The following FAT3 variants were observed in gnomAD, a reference collection of about 807,000 sequenced individuals.
The protein encoded by FAT3 is FAT atypical cadherin 3.
A neutral mutation model predicts 310.2 loss-of-function variants in FAT3; 95 were observed. That is an observed-to-expected ratio of 0.31 (90% confidence interval 0.26 to 0.36). FAT3 has a LOEUF of 0.36. Ranked by LOEUF, FAT3 falls within the 10% of genes least tolerant of loss-of-function variation. The pLI is 1.00. For missense variants in FAT3, 5,408 were observed against 5,715.6 expected, an observed-to-expected ratio of 0.95 and a Z score of 1.74; for synonymous variants, 2,314 against 2,192.9, an observed-to-expected ratio of 1.06 and a Z score of -1.54.
intron 1 of FAT3, among the ~76,000 whole-genome samples, chr11:92,341,813 G>A (rs921972306): frequency 2.0e-5 from 3 of 152,058 alleles, no homozygotes; most frequent in African/African-American, 4.8e-5. Context: ...CAGCCATTTC[G>A]TGATATATTG....
At chr11:92,745,472 G>C (rs1945632827) in intron 4 of FAT3, among the ~76,000 whole-genome samples, 1 of 151,880 alleles carries the variant, frequency 6.6e-6, no homozygotes, top group East Asian at 1.9e-4. Flanking sequence ...CCTGCTGATA[G>C]GGAAGATTAG....
Position 92,883,518 on chromosome 11 carries a change from A to G in FAT3, c.12937+125A>G. 1 of 1,255,322 alleles carries G rather than the reference A, an allele frequency of 8.0e-7. No individual in the cohort carries two copies. The highest frequency in any genetic ancestry group is 1.1e-6 in the Non-Finnish European group (1 of 922,706). 77.8% of individuals were successfully genotyped at this position (1,255,322 alleles called of 1,614,324 possible). A position where few individuals can be genotyped will look rare whatever the true frequency, so the allele number is the denominator to read the frequency against. On this transcript the variant is annotated intron_variant, in intron 24 of 27. Coordinates refer to ENST00000525166, the MANE Select transcript of FAT3 (RefSeq NM_001367949.2). This position sits in a 1 kb window ranked among gnomAD's most constrained non-coding sequence, Gnocchi z 4.2. ...AGAGCATTCGCTATGACATGTGCTG[A>G]TGTCGAATGTGCACACCAGCTCTGG...
intron 2 of FAT3, among the ~76,000 whole-genome samples, chr11:92,433,293 C>A (rs1386653284): frequency 2.6e-5 from 4 of 152,166 alleles, no homozygotes; most frequent in African/African-American, 9.7e-5. Context: ...AAAAAAAACT[C>A]CTGCTGCTAA....
chr11:92,395,194 T>A (rs537468885), intron 2 of FAT3, among the ~76,000 whole-genome samples: 44 of 152,372 alleles, frequency 2.9e-4, no homozygotes, highest in Non-Finnish European at 5.9e-4. Context: ...TACCAATTTC[T>A]CACTTTGTCT....
intron 15 of FAT3, among the ~76,000 whole-genome samples, chr11:92,836,175 C>T (rs1223163435): frequency 6.6e-6 from 1 of 152,126 alleles, no homozygotes; most frequent in Non-Finnish European, 1.5e-5. Context: ...GCTTCCTTAA[C>T]ATGGAAATGC....
At chr11:92,772,202 G>T (rs1946477099) in intron 6 of FAT3, among the ~76,000 whole-genome samples, 1 of 152,102 alleles carries the variant, frequency 6.6e-6, no homozygotes, top group Non-Finnish European at 1.5e-5. Context: ...TTCTAAATGT[G>T]ATTTAAAATG....
At chr11:92,581,313 A>G (rs3847521) in intron 3 of FAT3, among the ~76,000 whole-genome samples, 1 of 151,968 alleles carries the variant, frequency 6.6e-6, no homozygotes, top group African/African-American at 2.4e-5. Flanking sequence ...CTTCTCTGCC[A>G]TGTCCTGTCC....
chr11:92,450,239 G>A (rs1951321349), intron 2 of FAT3, among the ~76,000 whole-genome samples: 1 of 152,162 alleles, frequency 6.6e-6, no homozygotes, highest in East Asian at 1.9e-4. Context: ...TTAACATGAT[G>A]TTTAATATTT....
intron 1 of FAT3, among the ~76,000 whole-genome samples, chr11:92,315,504 T>TAGAGAGAG (rs1947425487): frequency 3.3e-5 from 3 of 90,976 alleles, no homozygotes; most frequent in South Asian, 4.2e-4. Context: ...TATATATATA[T>TAGAGAGAG]ATATATATAG....
At position 92,887,000 on chromosome 11, in the gene FAT3, A is replaced by T. The variant is rs775162557; in HGVS notation, c.12938A>T (p.Asn4313Ile). ...RKNGWDAGTE[N>I]KGVDDPGEVT... The stretch of plus-strand genomic sequence containing the variant: ...GCTTTCTCTTTCACTGTCCATGAAG[A>T]CAAAGGGGTTGATGACCCGGGAGAA... Residue 4313 changes from asparagine to isoleucine, a missense_variant and splice_region_variant, in exon 25 of 28, where the codon AAC becomes ATC. This residue lies in a region of FAT3 where 649 missense variants were observed against 666.2 expected (regional missense o/e 0.97). Transcript: ENST00000525166. 4 of 1,599,322 alleles carry T rather than the reference A, an allele frequency of 2.5e-6. No homozygotes were observed. The East Asian group carries it at 9.0e-5, about 36-fold the overall frequency.
chr11:92,560,740 G>A (rs963984950), intron 3 of FAT3, among the ~76,000 whole-genome samples: 3 of 152,166 alleles, frequency 2.0e-5, no homozygotes, highest in Non-Finnish European at 4.4e-5. Context: ...CTGCTCATCA[G>A]ACATCATTTT....
At chr11:92,582,211 C>A (rs1262508968) in intron 3 of FAT3, among the ~76,000 whole-genome samples, 1 of 151,764 alleles carries the variant, frequency 6.6e-6, no homozygotes, top group East Asian at 1.9e-4. Context: ...TTTATTGCAA[C>A]CTGTTTTATC....
intron 2 of FAT3, among the ~76,000 whole-genome samples, chr11:92,477,393 G>A (rs1203107870): frequency 6.6e-6 from 1 of 152,190 alleles, no homozygotes; most frequent in Admixed American, 6.5e-5. Context: ...GGTACAAAAT[G>A]ATATATGCAA....
Position 92,880,147 on chromosome 11 carries a change from A to C in FAT3, c.12128-584A>C, listed in dbSNP as rs75850381. Among the ~76,000 whole-genome samples, 940 of 151,568 alleles carry C rather than the reference A, an allele frequency of 6.2e-3. 8 individuals are homozygous for C. Among genetic ancestry groups the C allele is most frequent in the African/African-American group, 0.022 (897 of 41,196 alleles). ...CTTATGAGGGGAGAAAGTGAAAAAAATGCAAAAATCAGGATCGGACCAGGG... is the reference window on the plus strand; with the variant it reads ...CTTATGAGGGGAGAAAGTGAAAAAACTGCAAAAATCAGGATCGGACCAGGG... On this transcript the variant is annotated intron_variant, in intron 22 of 27. Coordinates refer to ENST00000525166, the MANE Select transcript of FAT3 (RefSeq NM_001367949.2).
At chr11:92,811,840 A>T (rs528850213) in intron 13 of FAT3, among the ~76,000 whole-genome samples, 1 of 152,322 alleles carries the variant, frequency 6.6e-6, no homozygotes, top group South Asian at 2.1e-4. Context: ...GTGGCATAAG[A>T]TACCAGATTT....
chr11:92,882,634 G>C, intron 23 of FAT3, 104 bp from the exon 24 acceptor site: 1 of 902,010 alleles, frequency 1.1e-6, no homozygotes, highest in Non-Finnish European at 1.6e-6. Flanking sequence ...TACCCTTTAG[G>C]TGCATCGTTT....
intron 3 of FAT3, among the ~76,000 whole-genome samples, chr11:92,663,017 T>C (rs1455889837): frequency 6.6e-6 from 1 of 152,094 alleles, no homozygotes; most frequent in African/African-American, 2.4e-5. Flanking sequence ...AGGAAGACTG[T>C]GATGGGGTAG....
In FAT3 at chr11:92,687,788, G is replaced by A. The variant is rs560433517; in HGVS notation, c.3608-9596G>A. On this transcript the variant is annotated intron_variant, in intron 3 of 27. Transcript: ENST00000525166. ...CTAGGCAGTGTGTAACGCTATAGGC[G>A]GTAAAAGAAAGTATGCCTGAATGCA... Among the ~76,000 whole-genome samples the A allele has an allele frequency of 1.5e-4, 23 of 152,242 alleles. No individual in the cohort carries two copies. In the South Asian group the frequency reaches 2.3e-3, roughly 15 times the overall value.
chr11:92,509,654 T>C (rs1362866402), intron 2 of FAT3, among the ~76,000 whole-genome samples: 1 of 152,136 alleles, frequency 6.6e-6, no homozygotes, highest in Non-Finnish European at 1.5e-5. Flanking sequence ...ACTACAGTCA[T>C]TAAAAATGAG....
Sources: allele counts gnomAD v4.1 joint callset (sites outside exome capture counted in the v4.1 genomes callset), GRCh38; gene constraint gnomAD v4.1.1; regional missense constraint gnomAD v4.1.1; non-coding constraint Gnocchi (gnomAD v3.1); transcripts MANE v1.5; gene names NCBI Gene and HGNC (gene_info 2026-07-23, HGNC 2026-07-21).